The following GUCY1A2 variants were observed in gnomAD, a reference collection of about 807,000 sequenced individuals.
GUCY1A2 encodes the protein guanylate cyclase soluble subunit alpha-2.
A neutral mutation model predicts 63.5 loss-of-function variants in GUCY1A2; 27 were observed. That is an observed-to-expected ratio of 0.43 (90% CI 0.31 to 0.59). GUCY1A2 has a LOEUF of 0.59. GUCY1A2 is among the 20% of genes least tolerant of loss of function. The probability of loss-of-function intolerance (pLI) is 0.11; values close to 1 mark genes in which losing one functional copy is unlikely to be tolerated. For missense variants in GUCY1A2, 768 were observed against 913.3 expected (o/e 0.84, Z 2.05); for synonymous variants, 364 against 343.5 (o/e 1.06, Z -0.66).
In GUCY1A2 at chr11:106,730,217, C is replaced by A. The variant is rs528866553; in HGVS notation, c.1837-21551G>T. Among the ~76,000 whole-genome samples, 10 of 151,212 alleles carry A rather than the reference C, an allele frequency of 6.6e-5. No homozygotes were observed. In the South Asian group the frequency reaches 1.3e-3, roughly 19 times the overall value. On this transcript the variant is annotated intron_variant, in intron 6 of 7. Transcript: ENST00000526355. ...GTTTGTTGTACAGATAATTTCATCA[C>A]CCAGGTAACAAGCATAGTACCTGAT...
At chr11:106,996,739 G>C (rs141174787) in intron 1 of GUCY1A2, among the ~76,000 whole-genome samples, 1 of 152,312 alleles carries the variant, frequency 6.6e-6, no homozygotes, top group East Asian at 1.9e-4. Context: ...GACTTTAAAA[G>C]TCTCAGATGC....
chr11:106,738,569 T>C (rs1863631171), intron 6 of GUCY1A2, among the ~76,000 whole-genome samples: 2 of 152,190 alleles, frequency 1.3e-5, no homozygotes, highest in African/African-American at 4.8e-5. Flanking sequence ...AATTTTTGTA[T>C]AAGGTGTAAG....
Position 106,887,021 on chromosome 11 carries a change from T to C in GUCY1A2, c.1206+52439A>G, listed in dbSNP as rs1859909842. ...CAAATTCCTCACTCCAGCCCCTATA[T>C]CTACCTTGCTGATGGCTAACTATCC... On this transcript the variant is annotated intron_variant, in intron 4 of 7. Coordinates refer to ENST00000526355, the MANE Select transcript of GUCY1A2 (RefSeq NM_000855.3). Among the ~76,000 whole-genome samples the C allele has an allele frequency of 2.0e-5, 3 of 152,094 alleles. No homozygotes were observed. In the South Asian group the frequency reaches 6.2e-4, roughly 32 times the overall value.
intron 4 of GUCY1A2, among the ~76,000 whole-genome samples, chr11:106,812,524 A>G (rs1262249009): frequency 6.6e-6 from 1 of 151,440 alleles, no homozygotes; most frequent in African/African-American, 2.4e-5. Flanking sequence ...CCTAGGTATC[A>G]ACTTTAACAT....
intron 6 of GUCY1A2, among the ~76,000 whole-genome samples, chr11:106,737,309 C>G (rs763241900): frequency 6.6e-6 from 1 of 152,062 alleles, no homozygotes; most frequent in African/African-American, 2.4e-5. Context: ...AGTATATCCA[C>G]TTTAGAATGC....
At position 106,750,241 on chromosome 11, in the gene GUCY1A2, C is replaced by G. The variant is rs376213084; in HGVS notation, c.1836+26198G>C. On this transcript the variant is annotated intron_variant, in intron 6 of 7. Coordinates refer to ENST00000526355, the MANE Select transcript of GUCY1A2 (RefSeq NM_000855.3). The stretch of plus-strand genomic sequence containing the variant: ...CCAAAACAGGCAAAAGAAAAAGAGC[C>G]GGCAGATTTAGCAAGCCAGCTTATC... Among the ~76,000 whole-genome samples the G allele has an allele frequency of 3.4e-4, 52 of 151,980 alleles. 1 individual carries two copies. The South Asian group carries it at 0.01, about 30-fold the overall frequency.
intron 6 of GUCY1A2, among the ~76,000 whole-genome samples, chr11:106,761,749 T>C (rs1864070378): frequency 6.6e-6 from 1 of 152,328 alleles, no homozygotes; most frequent in Admixed American, 6.5e-5. Context: ...TGATACATTA[T>C]GCTTAGAGCT....
At chr11:106,827,465 G>C (rs1858987317) in intron 4 of GUCY1A2, 3 of 1,437,522 alleles carry the variant, frequency 2.1e-6, no homozygotes, top group Non-Finnish European at 2.9e-6. Context: ...GCTTTAGTAA[G>C]CTGTTTCTGA....
intron 4 of GUCY1A2, among the ~76,000 whole-genome samples, chr11:106,930,974 C>T (rs539337135): frequency 5.3e-5 from 8 of 152,180 alleles, no homozygotes; most frequent in Non-Finnish European, 1.0e-4. Flanking sequence ...GAAGGAGATA[C>T]TGAAATATGT....
intron 4 of GUCY1A2, among the ~76,000 whole-genome samples, chr11:106,908,791 G>C (rs1004495578): frequency 4.6e-5 from 7 of 152,014 alleles, no homozygotes; most frequent in Non-Finnish European, 8.8e-5. Flanking sequence ...GGCTGGTCCA[G>C]AAATCCTTTG....
At chr11:107,009,159 C>T (rs145292539) in intron 1 of GUCY1A2, among the ~76,000 whole-genome samples, 20 of 152,154 alleles carry the variant, frequency 1.3e-4, no homozygotes, top group East Asian at 3.9e-4. Context: ...ACTGAATGAA[C>T]GGCTAAGGAT....
intron 5 of GUCY1A2, among the ~76,000 whole-genome samples, chr11:106,796,415 A>C (rs2135415611): frequency 6.6e-6 from 1 of 152,214 alleles, no homozygotes; most frequent in Middle Eastern, 3.4e-3. Context: ...TGGTCTTTAC[A>C]ATTTGGCATG....
chr11:106,776,290 T>G, intron 6 of GUCY1A2, 149 bp downstream of exon 6: 1 of 608,998 alleles, frequency 1.6e-6, no homozygotes, highest in Non-Finnish European at 2.9e-6. Flanking sequence ...CCTGGATTTA[T>G]GAGTTATCTC....
chr11:106,698,119 ATTTTTT>A (rs71470827), intron 7 of GUCY1A2, among the ~76,000 whole-genome samples: 2 of 100,520 alleles, frequency 2.0e-5, no homozygotes, highest in African/African-American at 9.2e-5. Context: ...GAATGTTAGA[ATTTTTT>A]TTTTTTTTTT....
chr11:106,839,659 C>T (rs1017938320), intron 4 of GUCY1A2, among the ~76,000 whole-genome samples: 17 of 151,904 alleles, frequency 1.1e-4, no homozygotes, highest in African/African-American at 4.1e-4. Flanking sequence ...CACATATACA[C>T]CATGGAATAC....
intron 4 of GUCY1A2, among the ~76,000 whole-genome samples, chr11:106,840,402 T>C (rs1859180454): frequency 1.3e-5 from 2 of 151,958 alleles, no homozygotes; most frequent in African/African-American, 4.8e-5. Flanking sequence ...GCATAAACGC[T>C]TCTAGCTCAA....
chr11:106,818,439 A>T (rs1287091584), intron 4 of GUCY1A2, among the ~76,000 whole-genome samples: 1 of 152,118 alleles, frequency 6.6e-6, no homozygotes, highest in African/African-American at 2.4e-5. Context: ...ATCAGTCAAC[A>T]TCGTGTGTGT....
chr11:106,755,910 T>G (rs1036155553), intron 6 of GUCY1A2, among the ~76,000 whole-genome samples: 1 of 152,154 alleles, frequency 6.6e-6, no homozygotes. Context: ...CTTGTTAATT[T>G]TCTGTCTGGT....
intron 4 of GUCY1A2, among the ~76,000 whole-genome samples, chr11:106,881,050 A>G (rs924788211): frequency 2.0e-5 from 3 of 152,106 alleles, no homozygotes; most frequent in African/African-American, 7.2e-5. Context: ...ATTATCTCTG[A>G]GGTTCCTTCC....
Sources: allele counts gnomAD v4.1 joint callset (sites outside exome capture counted in the v4.1 genomes callset), GRCh38; gene constraint gnomAD v4.1.1; transcripts MANE v1.5; gene names NCBI Gene and HGNC (gene_info 2026-07-23, HGNC 2026-07-21).